The following AGFG1 variants were observed in gnomAD, a reference collection of about 807,000 sequenced individuals.
AGFG1 encodes the protein arf-GAP domain and FG repeat-containing protein 1.
Under a neutral mutation model 60.6 loss-of-function variants are expected in AGFG1, and 10 were observed. That is an observed-to-expected ratio of 0.16 (90% CI 0.10 to 0.28). The LOEUF (loss-of-function observed/expected upper bound fraction) is 0.28, where lower values mean the gene tolerates loss of function less well. Ranked by LOEUF, AGFG1 falls within the 10% of genes least tolerant of loss-of-function variation. AGFG1 has a pLI of 1.00. For synonymous variants in AGFG1, 247 were observed against 242.9 expected, an observed-to-expected ratio of 1.02 and a Z score of -0.16; for missense variants, 537 against 676.5, an observed-to-expected ratio of 0.79 and a Z score of 2.29.
chr2:227,538,027 A>T (rs1692365604), intron 10 of AGFG1, among the ~76,000 whole-genome samples: 1 of 152,222 alleles, frequency 6.6e-6, no homozygotes, highest in Non-Finnish European at 1.5e-5. Context: ...AATTTCACAC[A>T]AAATTTAACT....
intron 3 of AGFG1, among the ~76,000 whole-genome samples, chr2:227,521,537 T>C (rs570581807): frequency 1.3e-5 from 2 of 152,332 alleles, no homozygotes; most frequent in East Asian, 3.9e-4. Context: ...TAAATGATTC[T>C]TTTAAAATGA....
At position 227,516,647 on chromosome 2, in the gene AGFG1, T is replaced by G. The variant is rs564937318; in HGVS notation, c.262-3301T>G. 2.0e-5 allele frequency among the ~76,000 whole-genome samples: 3 copies of G among 152,288 alleles called. No individual in the cohort carries two copies. In the South Asian group the frequency reaches 6.2e-4, roughly 32 times the overall value. Reference sequence around the variant, plus strand: ...CAGGCTGCTTATGTCAAATAGTTTATCATCAAGCACTCCATCTTTGCTTTG... The same window carrying G: ...CAGGCTGCTTATGTCAAATAGTTTAGCATCAAGCACTCCATCTTTGCTTTG... On this transcript the variant is annotated intron_variant, in intron 2 of 12. Coordinates refer to ENST00000310078, the MANE Select transcript of AGFG1 (RefSeq NM_004504.5).
At chr2:227,540,952 A>G (rs1692474646) in intron 10 of AGFG1, among the ~76,000 whole-genome samples, 2 of 152,204 alleles carry the variant, frequency 1.3e-5, no homozygotes, top group Admixed American at 6.5e-5. Context: ...GCCAGTGATG[A>G]AGAGCATTTC....
intron 10 of AGFG1, among the ~76,000 whole-genome samples, chr2:227,540,011 T>A (rs1337289127): frequency 1.6e-4 from 24 of 151,892 alleles, no homozygotes; most frequent in Non-Finnish European, 1.5e-5. Flanking sequence ...AATTTTTGTA[T>A]TTTTAGTAGA....
rs1692414426 is a variant in AGFG1, at chr2:227,539,458, C to CT, written c.1378+2465_1378+2466insT. Among the ~76,000 whole-genome samples the CT allele has an allele frequency of 7.6e-5, 2 of 26,174 alleles. 1 individual carries two copies. Among genetic ancestry groups the CT allele is most frequent in the African/African-American group, 2.3e-4 (2 of 8,732 alleles). 17.2% of individuals were successfully genotyped at this position (26,174 alleles called of 152,430 possible). On this transcript the variant is annotated intron_variant, in intron 10 of 12. Transcript: ENST00000310078. The stretch of plus-strand genomic sequence containing the variant: ...ACTCTGTCTCAAAAAAAACAAAAAA[C>CT]ACATGTTAACACTGTGAAATTATAT...
chr2:227,480,090 T>C (rs1690409837), intron 1 of AGFG1, among the ~76,000 whole-genome samples: 1 of 152,200 alleles, frequency 6.6e-6, no homozygotes, highest in Non-Finnish European at 1.5e-5. Flanking sequence ...TGGAGCATGC[T>C]CCAAGGAATC....
At chr2:227,530,942 G>A in intron 5 of AGFG1, 149 bp from the exon 6 acceptor site, 1 of 736,474 alleles carries the variant, frequency 1.4e-6, no homozygotes, top group Non-Finnish European at 2.0e-6. Context: ...CATGCTGGTA[G>A]GGTTTAAAAT....
chr2:227,503,586 A>T (rs1325850239), intron 2 of AGFG1, among the ~76,000 whole-genome samples: 1 of 152,152 alleles, frequency 6.6e-6, no homozygotes, highest in Non-Finnish European at 1.5e-5. Context: ...CACTGTTGGC[A>T]GCTTTGGGCA....
chr2:227,478,614 G>T (rs930102123), intron 1 of AGFG1, among the ~76,000 whole-genome samples: 1 of 152,112 alleles, frequency 6.6e-6, no homozygotes, highest in South Asian at 2.1e-4. Context: ...GATTACAGGC[G>T]TGAATTACCA....
rs775767947 is a variant in AGFG1 at position 227,524,919 on chromosome 2, A to G, written c.694+4A>G. ...GCACATTTCAACAGTCATGCAGGTA[A>G]GTGTTTTTTCCCAACAGCTTTTGCT... On this transcript the variant is annotated splice_donor_region_variant and intron_variant, in intron 5 of 12. Transcript: ENST00000310078. The G allele has an allele frequency of 1.1e-5, 17 of 1,613,774 alleles. No homozygotes were observed. The highest frequency in any genetic ancestry group is 5.0e-5 in the Admixed American group (3 of 59,992).
chr2:227,517,474 G>C (rs1691687645), intron 2 of AGFG1, among the ~76,000 whole-genome samples: 1 of 152,198 alleles, frequency 6.6e-6, no homozygotes, highest in Non-Finnish European at 1.5e-5. Context: ...GTTTCACCAT[G>C]TTGGCCATGA....
chr2:227,500,174 G>C (rs1691111166), intron 2 of AGFG1, among the ~76,000 whole-genome samples: 1 of 152,262 alleles, frequency 6.6e-6, no homozygotes, highest in Admixed American at 6.5e-5. Flanking sequence ...TAAGGTTTGG[G>C]TAGTAGTAGC....
chr2:227,481,098 G>C (rs1177962510), intron 1 of AGFG1, among the ~76,000 whole-genome samples: 1 of 55,162 alleles, frequency 1.8e-5, no homozygotes, highest in Admixed American at 2.5e-4. Flanking sequence ...AGTGTTTTAG[G>C]CTTTTTTTTT....
chr2:227,534,987 C>A lies in AGFG1; in HGVS notation c.1167C>A (p.Thr389=). The A allele has an allele frequency of 6.2e-7, 1 of 1,613,760 alleles. No homozygotes were observed. The highest frequency in any genetic ancestry group is 8.5e-7 in the Non-Finnish European group (1 of 1,179,814). ...ACAGCGTTTTCAGTTCTGCAGCCAC[C>A]TCCAGTAATGCGTATACTTCCACAA... ...ELDSVFSSAA[T]SSNAYTSTSN... Residue 389 remains threonine (T), a synonymous_variant, in exon 8 of 13, where the codon ACC becomes ACA. Coordinates refer to ENST00000310078, the MANE Select transcript of AGFG1 (RefSeq NM_004504.5).
intron 6 of AGFG1, 132 bp downstream of exon 6, chr2:227,531,342 C>A: frequency 9.3e-7 from 1 of 1,075,840 alleles, no homozygotes; most frequent in Non-Finnish European, 1.3e-6. Flanking sequence ...TCTTCAAAAG[C>A]TCTGGGGAAA....
At chr2:227,495,636 T>C (rs930871263) in intron 2 of AGFG1, among the ~76,000 whole-genome samples, 2 of 152,052 alleles carry the variant, frequency 1.3e-5, no homozygotes, top group African/African-American at 4.8e-5. Context: ...TTAAAGGAAG[T>C]TGGATTAACT....
chr2:227,488,609 G>A (rs1435453351), intron 1 of AGFG1, among the ~76,000 whole-genome samples: 3 of 152,228 alleles, frequency 2.0e-5, no homozygotes, highest in African/African-American at 7.2e-5. Context: ...GAAGGAAGGA[G>A]TAGAGGCATT....
intron 5 of AGFG1, among the ~76,000 whole-genome samples, chr2:227,525,686 A>G (rs529873872): frequency 3.3e-5 from 5 of 152,218 alleles, no homozygotes; most frequent in South Asian, 2.1e-4. Context: ...TTGCACCACT[A>G]TGGTGCCCTG....
intron 1 of AGFG1, among the ~76,000 whole-genome samples, chr2:227,482,979 CTTTTTT>C (rs59051579): frequency 1.8e-5 from 2 of 108,226 alleles, no homozygotes; most frequent in South Asian, 3.0e-4. Flanking sequence ...GTTATTGAGT[CTTTTTT>C]TTTTTTTTTT....
Sources: gnomAD v4.1 joint callset for allele counts (sites outside exome capture counted in the v4.1 genomes callset) on GRCh38, gnomAD v4.1.1 for gene constraint, MANE v1.5 for transcripts, NCBI Gene and HGNC (gene_info 2026-07-23, HGNC 2026-07-21) for gene names.